Variants in KCTD17 observed in about 807,000 individuals in gnomAD.
KCTD17 encodes the protein potassium channel tetramerization domain containing 17.
In KCTD17, 20 loss-of-function variants were observed where a neutral mutation model predicts 41.5. The ratio of observed to expected loss-of-function variants is 0.48; its 90% CI spans 0.34 to 0.70. KCTD17 has a LOEUF of 0.70. Ranked by LOEUF, KCTD17 falls within the 30% of genes least tolerant of loss-of-function variation. KCTD17 has a pLI of 0.01. For missense variants in KCTD17, 317 were observed against 427.2 expected, an observed-to-expected ratio of 0.74 and a Z score of 2.27; for synonymous variants, 156 against 173.8, an observed-to-expected ratio of 0.90 and a Z score of 0.80.
rs1016397160 is a variant in KCTD17 at position 37,053,379 on chromosome 22, G to A, written c.298+171G>A. Among the ~76,000 whole-genome samples the A allele has an allele frequency of 6.6e-6, 1 of 152,222 alleles. No homozygotes were observed. The highest frequency in any genetic ancestry group is 1.5e-5 in the Non-Finnish European group (1 of 68,038). ...AAGCATCTGCCTGTGCCGAGCCTGG[G>A]GCTCTGCCAAGCGGACGGGCTCAAG... On this transcript the variant is annotated intron_variant, in intron 2 of 8. Coordinates refer to ENST00000403888, the MANE Select transcript of KCTD17 (RefSeq NM_001282684.2). The surrounding 1 kb of genome is among the most constrained non-coding windows in gnomAD (Gnocchi z 4.1).
intron 8 of KCTD17, chr22:37,062,009 G>C (rs1243490289): frequency 1.0e-6 from 1 of 985,288 alleles, no homozygotes; most frequent in Non-Finnish European, 1.2e-6. Context: ...CTTAAGGATT[G>C]CAGAGTGGCA....
At chr22:37,054,070 G>A (rs1228488121) in intron 2 of KCTD17, among the ~76,000 whole-genome samples, 1 of 152,148 alleles carries the variant, frequency 6.6e-6, no homozygotes, top group Non-Finnish European at 1.5e-5. Flanking sequence ...GTGCCTTCCT[G>A]CTCTGGGCCA....
chr22:37,057,528 CCCTGGGACCT>C, intron 4 of KCTD17, 35 bp downstream of exon 4: 1 of 1,556,006 alleles, frequency 6.4e-7, no homozygotes, highest in Non-Finnish European at 8.8e-7. Flanking sequence ...ACCAGGACAA[CCCTGGGACCT>C]CCTAGCCTCT....
rs181921639 is a variant in KCTD17 at position 37,057,367 on chromosome 22, G to A, written c.391-31G>A. The A allele has an allele frequency of 3.1e-6, 5 of 1,587,452 alleles. No homozygotes were observed. The Admixed American group carries it at 8.3e-5, about 26-fold the overall frequency. ...TCCTGGGGTGCCTGGTGCTCCCACA[G>A]GTGCCCTCTATGTGACCCTTCTGCC... On this transcript the variant is annotated intron_variant, in intron 3 of 8. Coordinates refer to ENST00000403888, the MANE Select transcript of KCTD17 (RefSeq NM_001282684.2).
Position 37,059,250 on chromosome 22 carries a change from G to A in KCTD17, c.487-63G>A, listed in dbSNP as rs1315173915. On this transcript the variant is annotated intron_variant, in intron 4 of 8. Coordinates refer to ENST00000403888, the MANE Select transcript of KCTD17 (RefSeq NM_001282684.2). ...CTTGATTTGAGTGCCGAGGTCTGTC[G>A]TATCCTGCCCCACGGCCCCCAACAC... The A allele has an allele frequency of 1.2e-5, 20 of 1,600,550 alleles. No individual in the cohort carries two copies. In the East Asian group the frequency reaches 2.2e-4, roughly 18 times the overall value.
At position 37,061,504 on chromosome 22, in the gene KCTD17, C is replaced by T. The variant is rs1425746572; in HGVS notation, c.785-35C>T. On this transcript the variant is annotated intron_variant, in intron 7 of 8. Coordinates refer to ENST00000403888, the MANE Select transcript of KCTD17 (RefSeq NM_001282684.2). The surrounding 1 kb of genome is among the most constrained non-coding windows in gnomAD (Gnocchi z 6.6). ...CTGCAGGCCCTGCCCCCCCTCCTCT[C>T]CTCCCGGCCTCCTCCTCACGTTTCC... The T allele has an allele frequency of 6.3e-7, 1 of 1,587,232 alleles. No homozygotes were observed. The highest frequency in any genetic ancestry group is 8.5e-7 in the Non-Finnish European group (1 of 1,172,826).
intron 2 of KCTD17, among the ~76,000 whole-genome samples, chr22:37,054,241 G>A (rs988264220): frequency 3.9e-5 from 6 of 152,168 alleles, no homozygotes; most frequent in African/African-American, 4.8e-5. Context: ...TACCATGGGC[G>A]TGGCCTAGGC....
intron 4 of KCTD17, among the ~76,000 whole-genome samples, 186 bp downstream of exon 4, chr22:37,057,679 CGA>C (rs1019781926): frequency 6.6e-6 from 1 of 152,148 alleles, no homozygotes; most frequent in African/African-American, 2.4e-5. Flanking sequence ...GCAGGTTGAC[CGA>C]GAGAGAGGAT....
In KCTD17 at chr22:37,053,036, G is replaced by T. The variant is rs191139650; in HGVS notation, c.190-64G>T. 1.5e-6 allele frequency: 2 copies of T among 1,294,322 alleles called. No homozygotes were observed. Among genetic ancestry groups the T allele is most frequent in the Non-Finnish European group, 1.1e-6 (1 of 914,346 alleles). 80.2% of individuals were successfully genotyped at this position (1,294,322 alleles called of 1,614,324 possible). On this transcript the variant is annotated intron_variant, in intron 1 of 8. Transcript: ENST00000403888. This position sits in a 1 kb window ranked among gnomAD's most constrained non-coding sequence, Gnocchi z 4.1. ...CTCCACTCTCCTTCCCTCCCTGTGC[G>T]TGTGCGGGGTTGGCTGGGGAGAAGC...
At position 37,054,060 on chromosome 22, in the gene KCTD17, G is replaced by A. The variant is rs76664375; in HGVS notation, c.298+852G>A. On this transcript the variant is annotated intron_variant, in intron 2 of 8. Coordinates refer to ENST00000403888, the MANE Select transcript of KCTD17 (RefSeq NM_001282684.2). ...GATGTCATAAATCCTGCACCTGTGC[G>A]TGCCTTCCTGCTCTGGGCCATGGTC... is the stretch of plus-strand genomic sequence containing the variant. Among the ~76,000 whole-genome samples the A allele has an allele frequency of 3.2e-3, 488 of 152,252 alleles. 5 individuals carry two copies. Among genetic ancestry groups the A allele is most frequent in the Non-Finnish European group, 4.5e-3 (303 of 68,006 alleles).
Position 37,061,365 on chromosome 22 carries a change from C to T in KCTD17, c.785-174C>T, listed in dbSNP as rs893678198. The T allele has an allele frequency of 4.7e-6, 7 of 1,474,674 alleles. No homozygotes were observed. Among genetic ancestry groups the T allele is most frequent in the South Asian group, 1.4e-5 (1 of 72,830 alleles). The allele number at this position is 1,474,674 out of a possible 1,614,324, so 91.3% of individuals were successfully genotyped here. A position where few individuals can be genotyped will look rare whatever the true frequency, so the allele number is the denominator to read the frequency against. On this transcript the variant is annotated intron_variant, in intron 7 of 8. Coordinates refer to ENST00000403888, the MANE Select transcript of KCTD17 (RefSeq NM_001282684.2). The surrounding 1 kb of genome is among the most constrained non-coding windows in gnomAD (Gnocchi z 6.6). ...CTGCATCCCAGAGCGTCCTGCCTGC[C>T]GCCTCCTGCGCCCCTTCTGGTACCT...
At chr22:37,052,118 T>A in intron 1 of KCTD17, 169 bp downstream of exon 1, 1 of 847,692 alleles carries the variant, frequency 1.2e-6, no homozygotes, top group Non-Finnish European at 1.6e-6. Flanking sequence ...GTGGGTCTGG[T>A]AGTGAGGGAT....
intron 3 of KCTD17, among the ~76,000 whole-genome samples, chr22:37,056,874 C>G (rs1386638408): frequency 6.6e-6 from 1 of 152,048 alleles, no homozygotes; most frequent in East Asian, 1.9e-4. Flanking sequence ...GACCTTGGAG[C>G]CTGGGCCTCC....
At chr22:37,056,099 A>G (rs138994810) in intron 2 of KCTD17, among the ~76,000 whole-genome samples, 86 of 152,246 alleles carry the variant, frequency 5.6e-4, no homozygotes, top group African/African-American at 1.9e-3. Flanking sequence ...CGCACTCAGC[A>G]CAGCAGAGCT....
chr22:37,052,060 C>T, intron 1 of KCTD17, 111 bp downstream of exon 1: 2 of 1,247,852 alleles, frequency 1.6e-6, no homozygotes, highest in Non-Finnish European at 2.0e-6. Context: ...GGGTTCATTT[C>T]CGAGGAACTG....
chr22:37,060,848 A>G lies in KCTD17; in HGVS notation c.638A>G (p.Gln213Arg). ...TKSTEEQLEE[Q>R]QQQEEEVEEV... ...AGCACGGAGGAGCAGCTGGAGGAGC[A>G]GCAGCAGCAGGAGGAGGAGGTGGAG... Residue 213 changes from glutamine to arginine, a missense_variant, in exon 6 of 9, where the codon CAG (glutamine) becomes CGG (arginine). Coordinates refer to ENST00000403888, the MANE Select transcript of KCTD17 (RefSeq NM_001282684.2). The G allele has an allele frequency of 1.3e-6, 2 of 1,524,422 alleles. No individual in the cohort carries two copies. The highest frequency in any genetic ancestry group is 1.8e-6 in the Non-Finnish European group (2 of 1,134,646). 94.4% of individuals were successfully genotyped at this position (1,524,422 alleles called of 1,614,324 possible). A position where few individuals can be genotyped will look rare whatever the true frequency, so the allele number is the denominator to read the frequency against.
chr22:37,057,561 C>T (rs755223753), intron 4 of KCTD17, 68 bp downstream of exon 4: 7 of 1,240,902 alleles, frequency 5.6e-6, no homozygotes, highest in Non-Finnish European at 3.5e-6. Flanking sequence ...CCAAGCAGGC[C>T]CCTCCCTTCC....
chr22:37,059,267 C>T (rs373149200), intron 4 of KCTD17, 46 bp from the exon 5 acceptor site: 2 of 1,606,848 alleles, frequency 1.2e-6, no homozygotes, highest in Non-Finnish European at 1.7e-6. Flanking sequence ...GCCCCACGGC[C>T]CCCAACACCA....
intron 1 of KCTD17, 58 bp downstream of exon 1, chr22:37,052,007 G>T: frequency 7.6e-7 from 1 of 1,315,478 alleles, no homozygotes; most frequent in Non-Finnish European, 9.7e-7. Context: ...GCCCGACGCG[G>T]GGCTGTCGGG....
Sources: allele counts gnomAD v4.1 joint callset (sites outside exome capture counted in the v4.1 genomes callset), GRCh38; gene constraint gnomAD v4.1.1; non-coding constraint Gnocchi (gnomAD v3.1); transcripts MANE v1.5; gene names NCBI Gene and HGNC (gene_info 2026-07-23, HGNC 2026-07-21).